The following FAM168A variants were observed in gnomAD, a reference collection of about 807,000 sequenced individuals.
FAM168A encodes the protein protein FAM168A.
In FAM168A, 3 loss-of-function variants were observed where a neutral mutation model predicts 28.5. That is an observed-to-expected ratio of 0.11 (90% CI 0.05 to 0.27). The LOEUF is 0.27. Among genes scored for constraint, FAM168A ranks in the 10% least tolerant of loss-of-function variants. The probability of loss-of-function intolerance (pLI) is 1.00; values close to 1 mark genes in which losing one functional copy is unlikely to be tolerated. For missense variants in FAM168A, 222 were observed against 311.5 expected, an observed-to-expected ratio of 0.71 and a Z score of 2.16; for synonymous variants, 122 against 124.2, an observed-to-expected ratio of 0.98 and a Z score of 0.12.
chr11:73,473,844 C>T (rs1314838407), intron 1 of FAM168A, among the ~76,000 whole-genome samples: 3 of 151,128 alleles, frequency 2.0e-5, no homozygotes, highest in South Asian at 2.1e-4. Flanking sequence ...GATGGAGTCT[C>T]GCTCTGTTGC....
At chr11:73,553,749 A>G (rs1943855364) in intron 1 of FAM168A, among the ~76,000 whole-genome samples, 1 of 152,104 alleles carries the variant, frequency 6.6e-6, no homozygotes, top group Admixed American at 6.5e-5. Context: ...TGGGAGGCCA[A>G]GGCAGGCAGA....
intron 1 of FAM168A, among the ~76,000 whole-genome samples, chr11:73,477,934 TAG>T (rs1867912167): frequency 8.0e-6 from 1 of 124,416 alleles, no homozygotes; most frequent in Non-Finnish European, 1.7e-5. Flanking sequence ...GATAGATAGA[TAG>T]ATAGATAGAT....
intron 1 of FAM168A, among the ~76,000 whole-genome samples, chr11:73,556,534 G>A (rs1943892372): frequency 6.6e-6 from 1 of 151,848 alleles, no homozygotes; most frequent in African/African-American, 2.4e-5. Context: ...TTGTCAGGGG[G>A]GTAGGGAGAA....
intron 1 of FAM168A, among the ~76,000 whole-genome samples, chr11:73,572,416 G>A (rs1339683765): frequency 3.9e-5 from 6 of 152,108 alleles, no homozygotes; most frequent in Admixed American, 1.3e-4. Context: ...TGACAATGGC[G>A]GTTTTGTGGA....
At chr11:73,457,212 A>C (rs1207616811) in intron 2 of FAM168A, among the ~76,000 whole-genome samples, 1 of 147,356 alleles carries the variant, frequency 6.8e-6, no homozygotes, top group Non-Finnish European at 1.5e-5. Context: ...ACAGAGAGAG[A>C]TCCCTTCTTT....
At chr11:73,586,862 G>A (rs961814182) in intron 1 of FAM168A, among the ~76,000 whole-genome samples, 11 of 152,174 alleles carry the variant, frequency 7.2e-5, no homozygotes, top group African/African-American at 2.7e-4. Flanking sequence ...ACAAAGTGGA[G>A]AAAAGTAAGC....
chr11:73,480,735 C>G (rs1008788018), intron 1 of FAM168A, among the ~76,000 whole-genome samples: 38 of 150,928 alleles, frequency 2.5e-4, no homozygotes, highest in African/African-American at 8.5e-4. Context: ...ACAACAACAA[C>G]AAAAACAGAA....
At position 73,435,871 on chromosome 11, in the gene FAM168A, A is replaced by C. The variant is rs533781212; in HGVS notation, c.71-5101T>G. ...TCATTTGAGCCTCAAATCAATCCTAATGTGATTTCTCCCATTTTATAGCTA... is the reference window on the plus strand; with the variant it reads ...TCATTTGAGCCTCAAATCAATCCTACTGTGATTTCTCCCATTTTATAGCTA... On this transcript the variant is annotated intron_variant, in intron 2 of 7. Transcript: ENST00000356467. Among the ~76,000 whole-genome samples the C allele has an allele frequency of 9.2e-5, 14 of 152,340 alleles. No individual in the cohort carries two copies. In the East Asian group the frequency reaches 2.5e-3, roughly 27 times the overall value.
intron 6 of FAM168A, 108 bp from the exon 7 acceptor site, chr11:73,407,751 C>T: frequency 2.3e-6 from 2 of 876,570 alleles, no homozygotes; most frequent in South Asian, 3.2e-5. Flanking sequence ...GCCCAAATCC[C>T]CCATCTCCCT....
At chr11:73,551,735 C>A (rs1943831817) in intron 1 of FAM168A, among the ~76,000 whole-genome samples, 1 of 152,198 alleles carries the variant, frequency 6.6e-6, no homozygotes, top group African/African-American at 2.4e-5. Context: ...CATGGCAACA[C>A]CAGGTTGCAA....
At chr11:73,496,591 C>G (rs1487544661) in intron 1 of FAM168A, among the ~76,000 whole-genome samples, 2 of 152,204 alleles carry the variant, frequency 1.3e-5, no homozygotes, top group Non-Finnish European at 2.9e-5. Context: ...GACGGAGTCT[C>G]ACTCTGTCGC....
chr11:73,472,951 A>G (rs1867835584), intron 1 of FAM168A, among the ~76,000 whole-genome samples: 1 of 152,144 alleles, frequency 6.6e-6, no homozygotes, highest in Non-Finnish European at 1.5e-5. Flanking sequence ...TATACAATCA[A>G]CACCCCATAG....
chr11:73,500,256 CT>C (rs57040993), intron 1 of FAM168A, among the ~76,000 whole-genome samples: 14,706 of 122,504 alleles, frequency 0.12, 618 homozygotes, highest in African/African-American at 0.24. Context: ...CCCAGAATTC[CT>C]TTTTTTTTTT....
chr11:73,417,652 T>A (rs1402742182), intron 4 of FAM168A, among the ~76,000 whole-genome samples: 2 of 151,410 alleles, frequency 1.3e-5, no homozygotes, highest in African/African-American at 2.4e-5. Flanking sequence ...CTCCGTCTTC[T>A]GGGTTCACAC....
chr11:73,584,109 T>C (rs140091313), intron 1 of FAM168A, among the ~76,000 whole-genome samples: 1 of 152,296 alleles, frequency 6.6e-6, no homozygotes, highest in East Asian at 1.9e-4. Context: ...GGAGAAATAC[T>C]GTACCTCCTC....
At chr11:73,577,349 A>G (rs1326370423) in intron 1 of FAM168A, among the ~76,000 whole-genome samples, 15 of 152,242 alleles carry the variant, frequency 9.9e-5, no homozygotes, top group Admixed American at 9.8e-4. Flanking sequence ...AGTTTCTCTG[A>G]CTTTAAAATG....
At chr11:73,461,457 A>C (rs1237447169) in intron 2 of FAM168A, among the ~76,000 whole-genome samples, 1 of 152,052 alleles carries the variant, frequency 6.6e-6, no homozygotes, top group Non-Finnish European at 1.5e-5. Flanking sequence ...CACTTATTAG[A>C]CCTCAGGTTT....
intron 1 of FAM168A, among the ~76,000 whole-genome samples, chr11:73,564,742 C>CAAAAA (rs1294055661): frequency 1.6e-4 from 8 of 50,156 alleles, no homozygotes; most frequent in South Asian, 8.2e-4. Flanking sequence ...GACTCCGTCA[C>CAAAAA]AAAAAAAAAA....
At chr11:73,459,907 C>T (rs957965790) in intron 2 of FAM168A, among the ~76,000 whole-genome samples, 2 of 110,130 alleles carry the variant, frequency 1.8e-5, no homozygotes, top group Non-Finnish European at 3.4e-5. Context: ...TTTTTTGAGA[C>T]GGAGTCTCTG....
Sources: allele counts gnomAD v4.1 joint callset (sites outside exome capture counted in the v4.1 genomes callset), GRCh38; gene constraint gnomAD v4.1.1; transcripts MANE v1.5; gene names NCBI Gene and HGNC (gene_info 2026-07-23, HGNC 2026-07-21).